The following IQGAP2 variants were observed in gnomAD, a reference collection of about 807,000 sequenced individuals.
The protein encoded by IQGAP2 is ras GTPase-activating-like protein IQGAP2.
IQGAP2 carries 173 observed loss-of-function variants against 201.3 expected under a neutral mutation model. The ratio of observed to expected loss-of-function variants is 0.86; its 90% CI spans 0.76 to 0.98. The LOEUF is 0.98. Ranked by LOEUF, IQGAP2 falls within the 50% of genes least tolerant of loss-of-function variation. The probability of loss-of-function intolerance (pLI) is 0.00; values close to 1 mark genes in which losing one functional copy is unlikely to be tolerated. For missense variants in IQGAP2, 1,687 were observed against 1,864.8 expected, an observed-to-expected ratio of 0.90 and a Z score of 1.76; for synonymous variants, 675 against 673.9, an observed-to-expected ratio of 1.00 and a Z score of -0.03.
intron 35 of IQGAP2, among the ~76,000 whole-genome samples, chr5:76,705,532 A>G (rs1339354268): frequency 5.9e-5 from 9 of 152,148 alleles, no homozygotes; most frequent in African/African-American, 1.7e-4. Flanking sequence ...ATCTAACTCT[A>G]TTGGTTTAAT....
chr5:76,590,290 A>G lies in IQGAP2; in HGVS notation c.641-118A>G, dbSNP rs138887900. The G allele has an allele frequency of 1.2e-3, 956 of 768,586 alleles. 4 individuals carry two copies. The African/African-American group carries it at 0.015, about 12-fold the overall frequency. The allele number at this position is 768,586 out of a possible 1,614,324, so 47.6% of individuals were successfully genotyped here. On this transcript the variant is annotated intron_variant, in intron 7 of 35. Transcript: ENST00000274364. ...TATGTCTCAGTTCTCTTTTTGACAT[A>G]TTTACTGGAAGCCAAGAAAGAAAGT...
intron 13 of IQGAP2, 59 bp downstream of exon 13, chr5:76,611,242 A>G (rs1215573683): frequency 3.8e-6 from 5 of 1,327,250 alleles, no homozygotes; most frequent in South Asian, 1.4e-5. Context: ...AGAGGGAGAG[A>G]AGGAGGAGGA....
chr5:76,458,336 T>G (rs1754222623), intron 1 of IQGAP2, among the ~76,000 whole-genome samples: 1 of 152,220 alleles, frequency 6.6e-6, no homozygotes, highest in South Asian at 2.1e-4. Context: ...AGTGAATTAT[T>G]TTATTAGCTC....
At chr5:76,593,547 A>G (rs554167919) in intron 9 of IQGAP2, among the ~76,000 whole-genome samples, 27 of 152,234 alleles carry the variant, frequency 1.8e-4, no homozygotes, top group Non-Finnish European at 3.8e-4. Context: ...AATTAAAATA[A>G]GCGTATGCAG....
At position 76,434,383 on chromosome 5, in the gene IQGAP2, A is replaced by G. The variant is rs149504960; in HGVS notation, c.47-27187A>G. On this transcript the variant is annotated intron_variant, in intron 1 of 35. Transcript: ENST00000274364. ...CTGAGTCTCCAAAGTCCATTATGCCACTCTGTATGCCTTTGCATACCCATA... is the reference window on the plus strand; with the variant it reads ...CTGAGTCTCCAAAGTCCATTATGCCGCTCTGTATGCCTTTGCATACCCATA... 5.9e-5 allele frequency among the ~76,000 whole-genome samples: 9 copies of G among 151,900 alleles called. No individual in the cohort carries two copies. In the East Asian group the frequency reaches 1.7e-3, roughly 29 times the overall value.
At chr5:76,583,840 A>C (rs1000235139) in intron 5 of IQGAP2, among the ~76,000 whole-genome samples, 1 of 152,092 alleles carries the variant, frequency 6.6e-6, no homozygotes, top group African/African-American at 2.4e-5. Flanking sequence ...TGGTAGCCTA[A>C]GTACCTTAAT....
Position 76,597,377 on chromosome 5 carries a change from G to A in IQGAP2, c.908-62G>A. On this transcript the variant is annotated intron_variant, in intron 9 of 35. Coordinates refer to ENST00000274364, the MANE Select transcript of IQGAP2 (RefSeq NM_006633.5). ...TTCAAATCCTTGGGAAGAAGGGCTG[G>A]TTGGGTGAGACTGCAGTGGAAAGAG... The A allele has an allele frequency of 1.9e-6, 3 of 1,550,232 alleles. 1 individual carries two copies. In the South Asian group the frequency reaches 3.4e-5, roughly 17 times the overall value.
chr5:76,630,142 C>T (rs925841217), intron 14 of IQGAP2, among the ~76,000 whole-genome samples: 3 of 152,134 alleles, frequency 2.0e-5, no homozygotes, highest in South Asian at 2.1e-4. Flanking sequence ...CAGTAAAGTG[C>T]TTAAGCTGCC....
intron 16 of IQGAP2, among the ~76,000 whole-genome samples, chr5:76,638,231 T>C (rs897033442): frequency 1.3e-5 from 2 of 152,170 alleles, no homozygotes; most frequent in Non-Finnish European, 2.9e-5. Context: ...ATACAAAAAT[T>C]AGCTGGGCAT....
chr5:76,605,097 C>G (rs1233910617), intron 11 of IQGAP2, among the ~76,000 whole-genome samples: 1 of 152,104 alleles, frequency 6.6e-6, no homozygotes, highest in Non-Finnish European at 1.5e-5. Flanking sequence ...ACTAAACTAT[C>G]TAGTTTTATT....
intron 24 of IQGAP2, 147 bp from the exon 25 acceptor site, chr5:76,673,302 C>G: frequency 1.4e-5 from 10 of 704,404 alleles, no homozygotes; most frequent in Middle Eastern, 4.1e-4. Flanking sequence ...GAAGGTGGAG[C>G]CTCCCCTCAT....
intron 3 of IQGAP2, among the ~76,000 whole-genome samples, chr5:76,563,027 T>C (rs1744491527): frequency 6.6e-6 from 1 of 152,204 alleles, no homozygotes; most frequent in African/African-American, 2.4e-5. Flanking sequence ...TCAGGGCTAA[T>C]TTGGGAAGCA....
chr5:76,499,582 A>G (rs7727095), intron 2 of IQGAP2, among the ~76,000 whole-genome samples: 62,934 of 151,912 alleles, frequency 0.41, 14,782 homozygotes, highest in East Asian at 0.56. Flanking sequence ...AGTTTTTTAA[A>G]GCATGGCATC....
chr5:76,641,151 G>A, intron 17 of IQGAP2, 48 bp downstream of exon 17: 6 of 1,397,228 alleles, frequency 4.3e-6, no homozygotes, highest in African/African-American at 1.4e-5. Context: ...CATATCACCT[G>A]AAAATGTTTT....
intron 1 of IQGAP2, among the ~76,000 whole-genome samples, chr5:76,423,948 A>G (rs1358592439): frequency 4.6e-5 from 7 of 152,234 alleles, no homozygotes; most frequent in Non-Finnish European, 1.0e-4. Flanking sequence ...ACATTGTAGC[A>G]CCTGTAGGTT....
intron 1 of IQGAP2, among the ~76,000 whole-genome samples, chr5:76,428,953 C>T (rs1331628556): frequency 6.6e-6 from 1 of 151,484 alleles, no homozygotes; most frequent in Non-Finnish European, 1.5e-5. Flanking sequence ...ATTAGCCAGG[C>T]GTGATGACAC....
At chr5:76,409,400 C>T (rs1376493431) in intron 1 of IQGAP2, among the ~76,000 whole-genome samples, 1 of 151,856 alleles carries the variant, frequency 6.6e-6, no homozygotes, top group Non-Finnish European at 1.5e-5. Flanking sequence ...TCATGTACCA[C>T]CATGCCTGGC....
intron 15 of IQGAP2, 92 bp from the exon 16 acceptor site, chr5:76,636,930 GTTTGGTGAAAAA>G (rs781146558): frequency 4.1e-6 from 4 of 964,804 alleles, no homozygotes; most frequent in Non-Finnish European, 4.4e-6. Context: ...CTGTCTGAAG[GTTTGGTGAAAAA>G]CATATTCAAT....
chr5:76,701,278 A>G lies in IQGAP2; in HGVS notation c.4505+65A>G. The G allele has an allele frequency of 3.3e-6, 5 of 1,525,884 alleles. No homozygotes were observed. The South Asian group carries it at 5.7e-5, about 18-fold the overall frequency. 94.5% of individuals were successfully genotyped at this position (1,525,884 alleles called of 1,614,324 possible). ...TTTGATTTCTTGTGGCCTTGGAGAG[A>G]GCTCCATTTGGTCTAGCAAGGCTTA... On this transcript the variant is annotated intron_variant, in intron 34 of 35. Transcript: ENST00000274364.
Sources: gnomAD v4.1 joint callset for allele counts (sites outside exome capture counted in the v4.1 genomes callset) on GRCh38, gnomAD v4.1.1 for gene constraint, MANE v1.5 for transcripts, NCBI Gene and HGNC (gene_info 2026-07-23, HGNC 2026-07-21) for gene names.